Variants in MYT1L observed in about 807,000 individuals in gnomAD.
MYT1L encodes the protein myelin transcription factor 1 like, also known as myelin transcription factor 1-like protein.
Under a neutral mutation model 126.7 loss-of-function variants are expected in MYT1L, and 12 were observed. The observed-to-expected ratio is 0.09, with a 90% confidence interval of 0.06 to 0.15. The LOEUF (loss-of-function observed/expected upper bound fraction) is 0.15, where lower values mean the gene tolerates loss of function less well. Ranked by LOEUF, MYT1L falls within the 10% of genes least tolerant of loss-of-function variation. MYT1L has a pLI of 1.00. For synonymous variants in MYT1L, 541 were observed against 604.2 expected, an observed-to-expected ratio of 0.90 and a Z score of 1.53; for missense variants, 979 against 1,585.2, an observed-to-expected ratio of 0.62 and a Z score of 6.49.
intron 2 of MYT1L, among the ~76,000 whole-genome samples, chr2:2,184,413 G>C (rs963190708): frequency 6.6e-6 from 1 of 152,160 alleles, no homozygotes; most frequent in Non-Finnish European, 1.5e-5. Context: ...AAGGCCCTCA[G>C]TGCTTCCAAT....
chr2:2,027,978 G>A (rs2065826408), intron 4 of MYT1L, among the ~76,000 whole-genome samples: 1 of 152,202 alleles, frequency 6.6e-6, no homozygotes, highest in African/African-American at 2.4e-5. Flanking sequence ...CTGCTTGGAT[G>A]CTTCCTCATA....
chr2:2,230,988 C>A (rs532425282), intron 2 of MYT1L, among the ~76,000 whole-genome samples: 1 of 152,140 alleles, frequency 6.6e-6, no homozygotes, highest in Non-Finnish European at 1.5e-5. Context: ...ACAGACCACA[C>A]GACCATCAGG....
At chr2:2,117,269 A>C (rs538985675) in intron 3 of MYT1L, among the ~76,000 whole-genome samples, 14 of 152,246 alleles carry the variant, frequency 9.2e-5, no homozygotes, top group Non-Finnish European at 1.6e-4. Context: ...ACTTCAAAAT[A>C]AGATTTTTGT....
intron 3 of MYT1L, among the ~76,000 whole-genome samples, chr2:2,133,502 C>A (rs755348263): frequency 1.3e-5 from 2 of 152,110 alleles, no homozygotes; most frequent in Non-Finnish European, 2.9e-5. Flanking sequence ...TCATACTCAC[C>A]CAGTGTAAAC....
chr2:2,107,167 C>T (rs1179934567), intron 3 of MYT1L, among the ~76,000 whole-genome samples: 1 of 152,148 alleles, frequency 6.6e-6, no homozygotes, highest in Non-Finnish European at 1.5e-5. Flanking sequence ...CAAATGATAA[C>T]GAACTTTGAG....
chr2:2,225,314 T>C (rs2093980748), intron 2 of MYT1L, among the ~76,000 whole-genome samples: 1 of 152,174 alleles, frequency 6.6e-6, no homozygotes, highest in Admixed American at 6.5e-5. Flanking sequence ...GGCCTCCCGC[T>C]GTCCCCTTCA....
chr2:1,876,155 A>C (rs1024978108), intron 18 of MYT1L, among the ~76,000 whole-genome samples: 2 of 152,218 alleles, frequency 1.3e-5, no homozygotes, highest in East Asian at 3.8e-4. Context: ...TGAGTAGCAC[A>C]TTTGGAGAAG....
intron 2 of MYT1L, among the ~76,000 whole-genome samples, chr2:2,186,207 C>T (rs1015878994): frequency 7.1e-6 from 1 of 141,776 alleles, no homozygotes; most frequent in Non-Finnish European, 1.5e-5. Flanking sequence ...CCTTCCGGGC[C>T]TTCCCGAGTC....
chr2:2,246,175 C>A, intron 2 of MYT1L, among the ~76,000 whole-genome samples: 1 of 151,992 alleles, frequency 6.6e-6, no homozygotes, highest in African/African-American at 2.4e-5. Context: ...AACTGGAGTA[C>A]TACTGAAAGA....
At chr2:2,201,721 G>C (rs2093083410) in intron 2 of MYT1L, among the ~76,000 whole-genome samples, 1 of 151,650 alleles carries the variant, frequency 6.6e-6, no homozygotes, top group Non-Finnish European at 1.5e-5. Flanking sequence ...AATCGTAAGT[G>C]TTTTAAAGTT....
chr2:2,276,230 G>A (rs1452891847), intron 2 of MYT1L, among the ~76,000 whole-genome samples: 1 of 152,192 alleles, frequency 6.6e-6, no homozygotes, highest in Non-Finnish European at 1.5e-5. Flanking sequence ...TGAAAGCTGG[G>A]TGTACACCCT....
chr2:2,131,732 G>C (rs2082377046), intron 3 of MYT1L, among the ~76,000 whole-genome samples: 1 of 151,986 alleles, frequency 6.6e-6, no homozygotes, highest in African/African-American at 2.4e-5. Context: ...GTAACCGTGA[G>C]GTTTTGGTGC....
chr2:2,008,949 C>T (rs556915539), intron 4 of MYT1L, among the ~76,000 whole-genome samples: 180 of 152,136 alleles, frequency 1.2e-3, no homozygotes, highest in African/African-American at 4.2e-3. Context: ...TGTCCTTTCC[C>T]CATTGTGTCC....
At chr2:2,295,421 G>C (rs1559582084) in intron 1 of MYT1L, among the ~76,000 whole-genome samples, 1 of 152,146 alleles carries the variant, frequency 6.6e-6, no homozygotes, top group African/African-American at 2.4e-5. Flanking sequence ...CTGCCACCCA[G>C]CTGTGGCAAG....
intron 8 of MYT1L, among the ~76,000 whole-genome samples, chr2:1,971,764 G>A (rs1055801409): frequency 6.6e-6 from 1 of 152,048 alleles, no homozygotes; most frequent in Non-Finnish European, 1.5e-5. Context: ...AAAAACAAAA[G>A]AGGAGGCCTG....
At position 1,801,242 on chromosome 2, in the gene MYT1L, G is replaced by GGTACGTT; in HGVS notation, c.3276+453_3276+454insAACGTAC. The stretch of plus-strand genomic sequence containing the variant: ...TCTCTCTCCATCCCCAGGCTCTGCA[G>GGTACGTT]CTGCAAGTCACTGGGGCCACTTCCC... On this transcript the variant is annotated intron_variant, in intron 23 of 24. Coordinates refer to ENST00000647738, the MANE Select transcript of MYT1L (RefSeq NM_001303052.2). The surrounding 1 kb of genome is among the most constrained non-coding windows in gnomAD (Gnocchi z 4.2). 6.4e-6 allele frequency: 1 copy of GGTACGTT among 155,798 alleles called. No homozygotes were observed. The highest frequency in any genetic ancestry group is 1.4e-5 in the Non-Finnish European group (1 of 70,662). 9.7% of individuals were successfully genotyped at this position (155,798 alleles called of 1,614,324 possible).
chr2:1,809,313 C>A, intron 21 of MYT1L, 146 bp from the exon 22 acceptor site: 1 of 729,262 alleles, frequency 1.4e-6, no homozygotes, highest in Non-Finnish European at 2.4e-6. Flanking sequence ...GCAAAAAGAC[C>A]AATGCATACA....
At chr2:2,127,379 C>T (rs1172488822) in intron 3 of MYT1L, among the ~76,000 whole-genome samples, 1 of 152,168 alleles carries the variant, frequency 6.6e-6, no homozygotes, top group Non-Finnish European at 1.5e-5. Flanking sequence ...TAAATACAAA[C>T]AAAAGGCTCT....
At chr2:2,040,212 G>T (rs568131897) in intron 4 of MYT1L, among the ~76,000 whole-genome samples, 41 of 152,284 alleles carry the variant, frequency 2.7e-4, no homozygotes, top group African/African-American at 9.4e-4. Context: ...TGTGTCCTCA[G>T]CACTTGACAC....
Sources: gnomAD v4.1 joint callset for allele counts (sites outside exome capture counted in the v4.1 genomes callset) on GRCh38, gnomAD v4.1.1 for gene constraint, Gnocchi (gnomAD v3.1) non-coding constraint, MANE v1.5 for transcripts, NCBI Gene and HGNC (gene_info 2026-07-23, HGNC 2026-07-21) for gene names.